The following KCNH7 variants were observed in gnomAD, a reference collection of about 807,000 sequenced individuals.
The protein encoded by KCNH7 is potassium voltage-gated channel subfamily H member 7.
A neutral mutation model predicts 120.8 loss-of-function variants in KCNH7; 49 were observed. That is an observed-to-expected ratio of 0.41 (90% CI 0.32 to 0.51). KCNH7 has a LOEUF of 0.51. Among genes scored for constraint, KCNH7 ranks in the 20% least tolerant of loss-of-function variants. The pLI is 0.38. For missense variants in KCNH7, 1,097 were observed against 1,446.6 expected, an observed-to-expected ratio of 0.76 and a Z score of 3.92; for synonymous variants, 547 against 516.1, an observed-to-expected ratio of 1.06 and a Z score of -0.81.
At chr2:162,804,433 A>G (rs776039971) in intron 2 of KCNH7, among the ~76,000 whole-genome samples, 8 of 151,978 alleles carry the variant, frequency 5.3e-5, no homozygotes, top group Non-Finnish European at 1.0e-4. Context: ...TATACCAACA[A>G]TGACCAAGCT....
At chr2:162,780,177 A>G (rs1193595578) in intron 2 of KCNH7, among the ~76,000 whole-genome samples, 1 of 152,236 alleles carries the variant, frequency 6.6e-6, no homozygotes, top group Non-Finnish European at 1.5e-5. Context: ...AGTAATCCAC[A>G]GACACAGGCA....
intron 3 of KCNH7, among the ~76,000 whole-genome samples, chr2:162,520,519 T>C (rs1185336461): frequency 6.6e-6 from 1 of 151,770 alleles, no homozygotes; most frequent in Admixed American, 6.6e-5. Flanking sequence ...CAGCACTTCG[T>C]GAAGAAAAGG....
At chr2:162,752,901 A>AT (rs1491230185) in intron 2 of KCNH7, among the ~76,000 whole-genome samples, 2 of 43,648 alleles carry the variant, frequency 4.6e-5, no homozygotes, top group East Asian at 5.5e-4. Flanking sequence ...ACTACATCTC[A>AT]GAAAAAGAAA....
chr2:162,599,600 A>G lies in KCNH7; in HGVS notation c.308-62520T>C, dbSNP rs565638807. ...TGCTTCCTAACTTTTTATATTTCCTACTCTTGTAATTATTTATTATTTCTA... is the reference window on the plus strand; with the variant it reads ...TGCTTCCTAACTTTTTATATTTCCTGCTCTTGTAATTATTTATTATTTCTA... On this transcript the variant is annotated intron_variant, in intron 2 of 15. Transcript: ENST00000332142. Among the ~76,000 whole-genome samples the G allele has an allele frequency of 2.8e-5, 4 of 145,414 alleles. No individual in the cohort carries two copies. The South Asian group carries it at 8.7e-4, about 31-fold the overall frequency.
At chr2:162,606,704 C>A (rs1252213111) in intron 2 of KCNH7, among the ~76,000 whole-genome samples, 1 of 152,176 alleles carries the variant, frequency 6.6e-6, no homozygotes, top group Non-Finnish European at 1.5e-5. Context: ...GCCTTATAAA[C>A]TTTAGTCTAA....
intron 6 of KCNH7, among the ~76,000 whole-genome samples, chr2:162,448,108 T>G (rs1254528182): frequency 6.6e-6 from 1 of 152,104 alleles, no homozygotes; most frequent in Non-Finnish European, 1.5e-5. Context: ...AAAGTGATTT[T>G]GTTATCTGTG....
At chr2:162,689,415 G>A (rs959541322) in intron 2 of KCNH7, among the ~76,000 whole-genome samples, 1 of 151,934 alleles carries the variant, frequency 6.6e-6, no homozygotes, top group African/African-American at 2.4e-5. Flanking sequence ...GCCGCCCAAA[G>A]TGCTGGGATT....
At chr2:162,613,490 G>A (rs981227957) in intron 2 of KCNH7, among the ~76,000 whole-genome samples, 4 of 151,798 alleles carry the variant, frequency 2.6e-5, no homozygotes, top group East Asian at 1.9e-4. Context: ...AATTATCCCC[G>A]AAGCCTGTTG....
intron 2 of KCNH7, among the ~76,000 whole-genome samples, chr2:162,764,354 G>A (rs1262894899): frequency 6.6e-6 from 1 of 151,996 alleles, no homozygotes; most frequent in Non-Finnish European, 1.5e-5. Context: ...GTATTAAGAA[G>A]GAAATCATTT....
intron 2 of KCNH7, among the ~76,000 whole-genome samples, chr2:162,802,716 T>A (rs769567627): frequency 6.6e-6 from 1 of 151,938 alleles, no homozygotes; most frequent in Middle Eastern, 3.4e-3. Context: ...ACAGTAATTA[T>A]TAATGGGATA....
At chr2:162,772,126 C>T (rs1683078897) in intron 2 of KCNH7, 1 of 152,150 alleles carries the variant, frequency 6.6e-6, no homozygotes, top group African/African-American at 2.4e-5. Context: ...GATGATGAAT[C>T]TCATGTTGTA....
chr2:162,469,427 C>T (rs563278488), intron 6 of KCNH7, among the ~76,000 whole-genome samples: 3 of 152,226 alleles, frequency 2.0e-5, no homozygotes, highest in Admixed American at 6.5e-5. Context: ...TAATATTTAC[C>T]ATGTGACAAA....
In KCNH7 at chr2:162,371,551, G is replaced by A; in HGVS notation, c.*278C>T. The A allele has an allele frequency of 2.3e-5, 21 of 914,214 alleles. No individual in the cohort carries two copies. Among genetic ancestry groups the A allele is most frequent in the Non-Finnish European group, 3.1e-5 (21 of 687,896 alleles). 56.6% of individuals were successfully genotyped at this position (914,214 alleles called of 1,614,324 possible). On this transcript the variant is annotated 3_prime_UTR_variant, in exon 16 of 16. Coordinates refer to ENST00000332142, the MANE Select transcript of KCNH7 (RefSeq NM_033272.4). The stretch of plus-strand genomic sequence containing the variant: ...GAGTCTCCATGCAAGAGAAATTGGA[G>A]TTTCCTAACATGCATGTGATTTAAA...
chr2:162,781,789 T>C (rs191498791), intron 2 of KCNH7, among the ~76,000 whole-genome samples: 397 of 152,156 alleles, frequency 2.6e-3, no homozygotes, highest in African/African-American at 9.0e-3. Flanking sequence ...AGTTAGAAAA[T>C]GATTAATTCA....
At chr2:162,485,986 ACAG>A (rs1392363833) in intron 6 of KCNH7, among the ~76,000 whole-genome samples, 14 of 152,174 alleles carry the variant, frequency 9.2e-5, no homozygotes, top group Admixed American at 2.6e-4. Context: ...TGATAATGGC[ACAG>A]AAATTTGTCA....
intron 2 of KCNH7, among the ~76,000 whole-genome samples, chr2:162,633,148 C>T (rs569136404): frequency 2.0e-5 from 3 of 151,838 alleles, no homozygotes; most frequent in Non-Finnish European, 4.4e-5. Flanking sequence ...TTTAGCCTAT[C>T]GTATCATTTA....
intron 2 of KCNH7, among the ~76,000 whole-genome samples, chr2:162,564,572 G>A (rs975307774): frequency 1.3e-5 from 2 of 152,130 alleles, no homozygotes; most frequent in Non-Finnish European, 2.9e-5. Flanking sequence ...AAGACTCTCT[G>A]TGGTAAATTT....
rs1688489727 is a variant in KCNH7 at position 162,443,548 on chromosome 2, A to G, written c.1554+2470T>C. 2.0e-5 allele frequency among the ~76,000 whole-genome samples: 3 copies of G among 152,300 alleles called. No individual in the cohort carries two copies. In the South Asian group the frequency reaches 6.2e-4, roughly 32 times the overall value. The stretch of plus-strand genomic sequence containing the variant: ...TTTTTCTCCTACTCTTCCATTCAAT[A>G]CTTAATCCATCAACAAGCCTTGGCA... On this transcript the variant is annotated intron_variant, in intron 7 of 15. Coordinates refer to ENST00000332142, the MANE Select transcript of KCNH7 (RefSeq NM_033272.4).
chr2:162,540,663 A>G (rs983921183), intron 2 of KCNH7, among the ~76,000 whole-genome samples: 3 of 152,080 alleles, frequency 2.0e-5, no homozygotes, highest in Non-Finnish European at 4.4e-5. Flanking sequence ...AGAGTAGGCA[A>G]GGTCAAGGGA....
Sources: gnomAD v4.1 joint callset for allele counts (sites outside exome capture counted in the v4.1 genomes callset) on GRCh38, gnomAD v4.1.1 for gene constraint, MANE v1.5 for transcripts, NCBI Gene and HGNC (gene_info 2026-07-23, HGNC 2026-07-21) for gene names.